The following RAG1 variants were observed in gnomAD, a reference collection of about 807,000 sequenced individuals.
RAG1 encodes recombination activating 1.
Under a neutral mutation model 62.7 loss-of-function variants are expected in RAG1, and 35 were observed. That is an observed-to-expected ratio of 0.56 (90% confidence interval 0.43 to 0.74). The LOEUF is 0.74. RAG1 is among the 30% of genes least tolerant of loss of function. RAG1 has a pLI of 0.00. For synonymous variants in RAG1, 461 were observed against 470.3 expected (o/e 0.98, Z 0.26); for missense variants, 1,169 against 1,278.6 (o/e 0.91, Z 1.31).
At chr11:36,572,345 A>T (rs1251850620) in intron 1 of RAG1, among the ~76,000 whole-genome samples, 1 of 152,180 alleles carries the variant, frequency 6.6e-6, no homozygotes, top group African/African-American at 2.4e-5. Flanking sequence ...ATCGCTAGCG[A>T]TCTGTGCATT....
intron 1 of RAG1, among the ~76,000 whole-genome samples, chr11:36,568,470 C>T (rs1031189126): frequency 1.3e-5 from 2 of 152,088 alleles, no homozygotes; most frequent in South Asian, 2.1e-4. Flanking sequence ...GAAAAATAAT[C>T]AGGAACATAA....
chr11:36,567,006 G>T (rs2133286149), upstream of RAG1, among the ~76,000 whole-genome samples: 1 of 152,322 alleles, frequency 6.6e-6, no homozygotes, highest in South Asian at 2.1e-4. Flanking sequence ...TGGGGATAAA[G>T]CTGGTCTGAG....
chr11:36,573,514 T>G lies in RAG1; in HGVS notation c.210T>G (p.Asp70Glu), dbSNP rs746746901. 3 of 1,614,238 alleles carry G rather than the reference T, an allele frequency of 1.9e-6. No individual in the cohort carries two copies. The change falls in exon 2 of 2, where the codon GAT (aspartate) becomes GAG (glutamate). Residue 70 changes from aspartate to glutamate, a missense_variant. Physicochemically the swap from Asp to Glu is conservative, Grantham distance 45. Transcript: ENST00000299440. Reference sequence around the variant, plus strand: ...CTCCAGCAGTCCTGGACAAGGCTGATGGTCAGAAGCCAGTCCCAACTCAGC... The same window carrying G: ...CTCCAGCAGTCCTGGACAAGGCTGAGGGTCAGAAGCCAGTCCCAACTCAGC... ...EQSPAVLDKADGQKPVPTQPL... is the reference protein window; with the variant it reads ...EQSPAVLDKAEGQKPVPTQPL...
intron 1 of RAG1, among the ~76,000 whole-genome samples, chr11:36,570,605 T>A (rs1172518015): frequency 6.6e-6 from 1 of 152,200 alleles, no homozygotes; most frequent in East Asian, 1.9e-4. Flanking sequence ...ATACTATTCT[T>A]CATAGTGGCT....
intron 3 of RAG1, among the ~76,000 whole-genome samples, chr11:36,559,762 T>A (rs367721198): frequency 1.3e-4 from 20 of 152,356 alleles, no homozygotes; most frequent in African/African-American, 4.3e-4. Flanking sequence ...CACTAAGATC[T>A]TGAATTGTTT....
chr11:36,565,920 T>G (rs1355584725), upstream of RAG1: 1 of 152,226 alleles, frequency 6.6e-6, no homozygotes, highest in Non-Finnish European at 1.5e-5. Context: ...AACAGAGCAA[T>G]TAGAAAACTG....
upstream of RAG1, among the ~76,000 whole-genome samples, chr11:36,566,111 C>A (rs1850658017): frequency 6.6e-6 from 1 of 152,216 alleles, no homozygotes; most frequent in African/African-American, 2.4e-5. Context: ...GAAAGCTCCT[C>A]CCTTATCTGG....
At chr11:36,537,210 C>A (rs892097499), downstream of RAG1, among the ~76,000 whole-genome samples, 1 of 151,982 alleles carries the variant, frequency 6.6e-6, no homozygotes, top group African/African-American at 2.4e-5. Flanking sequence ...TGTTGTACAA[C>A]CTAGTATCTA....
Position 36,579,295 on chromosome 11 carries a change from G to A in RAG1, c.*2859G>A, listed in dbSNP as rs1282056811. ...AATAAACCATTATTTGGATGCAGGT[G>A]GTTTTTGATTGCAAATATGTGTGTG... On this transcript the variant is annotated 3_prime_UTR_variant, in exon 2 of 2. Transcript: ENST00000299440. 1 of 167,060 alleles carries A rather than the reference G, an allele frequency of 6.0e-6. No homozygotes were observed. Among genetic ancestry groups the A allele is most frequent in the Non-Finnish European group, 1.5e-5 (1 of 68,116 alleles). The allele number at this position is 167,060 out of a possible 1,614,324, so 10.3% of individuals were successfully genotyped here.
intron 3 of RAG1, among the ~76,000 whole-genome samples, chr11:36,547,158 T>A (rs1031225999): frequency 1.3e-5 from 2 of 152,054 alleles, no homozygotes; most frequent in Admixed American, 6.6e-5. Flanking sequence ...TAACACTAAA[T>A]GCCCACAGGA....
At position 36,575,130 on chromosome 11, in the gene RAG1, G is replaced by A; in HGVS notation, c.1826G>A (p.Ser609Asn). ...KESCDGMGDV[S>N]EKHGSGPVVP... Reference sequence around the variant, plus strand: ...TCTTGTGATGGAATGGGAGACGTGAGTGAGAAGCATGGGAGTGGGCCTGTA... The same window carrying A: ...TCTTGTGATGGAATGGGAGACGTGAATGAGAAGCATGGGAGTGGGCCTGTA... The change falls in exon 2 of 2, where the codon AGT becomes AAT. Residue 609 changes from serine to asparagine, a missense_variant. Physicochemically the swap from Ser to Asn is conservative, Grantham distance 46 (BLOSUM62 1). This residue lies in a region of RAG1 where 800 missense variants were observed against 943.3 expected (regional missense o/e 0.85). Transcript: ENST00000299440. The surrounding 1 kb of genome is among the most constrained non-coding windows in gnomAD (Gnocchi z 4.1). 3 of 1,614,182 alleles carry A rather than the reference G, an allele frequency of 1.9e-6. No homozygotes were observed. The highest frequency in any genetic ancestry group is 2.5e-6 in the Non-Finnish European group (3 of 1,180,016).
intron 1 of RAG1, among the ~76,000 whole-genome samples, chr11:36,518,557 A>C (rs544349439): frequency 6.6e-6 from 1 of 152,080 alleles, no homozygotes; most frequent in Non-Finnish European, 1.5e-5. Context: ...ATGGTATCTC[A>C]TTGTGGTTTT....
intron 2 of RAG1, among the ~76,000 whole-genome samples, chr11:36,524,852 A>G (rs1860136045): frequency 6.6e-6 from 1 of 152,158 alleles, no homozygotes; most frequent in Non-Finnish European, 1.5e-5. Context: ...CTTTTCATGT[A>G]CTTATTTGCC....
chr11:36,565,313 G>C (rs748450843), upstream of RAG1, among the ~76,000 whole-genome samples: 2 of 152,174 alleles, frequency 1.3e-5, no homozygotes, highest in African/African-American at 2.4e-5. Flanking sequence ...AATTTGAAAA[G>C]GTCTCTTAAA....
At chr11:36,522,800 G>C (rs974779863) in intron 2 of RAG1, among the ~76,000 whole-genome samples, 12 of 152,230 alleles carry the variant, frequency 7.9e-5, no homozygotes, top group Non-Finnish European at 1.5e-5. Flanking sequence ...TCTTGCATCA[G>C]TGTGACCTGG....
At chr11:36,557,587 G>A (rs1400247067) in intron 3 of RAG1, among the ~76,000 whole-genome samples, 1 of 152,054 alleles carries the variant, frequency 6.6e-6, no homozygotes, top group Non-Finnish European at 1.5e-5. Context: ...CGCTCACGCT[G>A]GGAGCTGTAG....
intron 1 of RAG1, among the ~76,000 whole-genome samples, chr11:36,512,376 G>A (rs780607395): frequency 1.3e-5 from 2 of 152,224 alleles, no homozygotes; most frequent in Admixed American, 6.5e-5. Flanking sequence ...TTGGACTTAC[G>A]AGAGCAGGAA....
At chr11:36,573,147 A>G (rs2133292338) in intron 1 of RAG1, 144 bp from the exon 2 acceptor site, 2 of 845,758 alleles carry the variant, frequency 2.4e-6, no homozygotes, top group East Asian at 2.7e-5. Flanking sequence ...AGCACCTAAC[A>G]TGATATATTA....
chr11:36,548,775 T>C (rs1483785030), intron 3 of RAG1, among the ~76,000 whole-genome samples: 1 of 152,156 alleles, frequency 6.6e-6, no homozygotes, highest in African/African-American at 2.4e-5. Flanking sequence ...AAAACTACTT[T>C]AAATTTCATA....
Sources: allele counts gnomAD v4.1 joint callset (sites outside exome capture counted in the v4.1 genomes callset), GRCh38; gene constraint gnomAD v4.1.1; regional missense constraint gnomAD v4.1.1; non-coding constraint Gnocchi (gnomAD v3.1); transcripts MANE v1.5; gene names NCBI Gene and HGNC (gene_info 2026-07-23, HGNC 2026-07-21).